The following KLF12 variants were observed in gnomAD, a reference collection of about 807,000 sequenced individuals.
KLF12 encodes the protein Krueppel-like factor 12.
In KLF12, 9 loss-of-function variants were observed where a neutral mutation model predicts 37.8. The observed-to-expected ratio is 0.24, with a 90% CI of 0.14 to 0.42. The LOEUF (loss-of-function observed/expected upper bound fraction) is 0.42. Among genes scored for constraint, KLF12 ranks in the 10% least tolerant of loss-of-function variants. The pLI is 1.00. For missense variants in KLF12, 411 were observed against 516.0 expected (o/e 0.80, Z 1.97); for synonymous variants, 208 against 202.1 (o/e 1.03, Z -0.25).
At chr13:73,897,691 C>T (rs1179127913) in intron 3 of KLF12, among the ~76,000 whole-genome samples, 1 of 152,214 alleles carries the variant, frequency 6.6e-6, no homozygotes, top group East Asian at 1.9e-4. Context: ...ATATATCACA[C>T]CTGGATTAAT....
chr13:73,872,239 C>A (rs1886506913), intron 3 of KLF12, among the ~76,000 whole-genome samples: 2 of 152,170 alleles, frequency 1.3e-5, no homozygotes, highest in Non-Finnish European at 2.9e-5. Context: ...AATCTACACA[C>A]CTACATGTCA....
At chr13:73,822,319 C>A (rs184816347) in intron 4 of KLF12, among the ~76,000 whole-genome samples, 133 of 152,320 alleles carry the variant, frequency 8.7e-4, no homozygotes, top group Admixed American at 4.6e-3. Context: ...CACTTTTCAG[C>A]TAAATTCCAT....
the KLF12 span, among the ~76,000 whole-genome samples, chr13:74,216,676 T>C: frequency 6.6e-6 from 1 of 152,180 alleles, no homozygotes; most frequent in African/African-American, 2.4e-5. Flanking sequence ...TTCAAACTGC[T>C]AAAAGCAAAA....
chr13:73,978,845 G>A (rs1891613600), intron 2 of KLF12, among the ~76,000 whole-genome samples: 1 of 152,198 alleles, frequency 6.6e-6, no homozygotes, highest in South Asian at 2.1e-4. Flanking sequence ...AAGGAAATGT[G>A]TGCTATCAGT....
chr13:73,719,474 G>T (rs1427462279), intron 6 of KLF12, among the ~76,000 whole-genome samples: 1 of 151,602 alleles, frequency 6.6e-6, no homozygotes, highest in Non-Finnish European at 1.5e-5. Context: ...ATTAAGCCTG[G>T]TATTCCTGAT....
chr13:74,246,050 T>C, the KLF12 span, among the ~76,000 whole-genome samples: 2 of 152,256 alleles, frequency 1.3e-5, no homozygotes, highest in Non-Finnish European at 2.9e-5. Context: ...AATGTCAGTG[T>C]GCCAATTCTC....
chr13:74,294,412 A>G, the KLF12 span, among the ~76,000 whole-genome samples: 2 of 152,048 alleles, frequency 1.3e-5, no homozygotes, highest in Non-Finnish European at 2.9e-5. Flanking sequence ...TTTTTAGGCC[A>G]GGCTGGAGTG....
chr13:74,092,287 A>C (rs1875712766), intron 1 of KLF12, among the ~76,000 whole-genome samples: 1 of 109,960 alleles, frequency 9.1e-6, no homozygotes, highest in African/African-American at 3.4e-5. Flanking sequence ...ACAGAGTGAG[A>C]CTCCGTCTCA....
the KLF12 span, among the ~76,000 whole-genome samples, chr13:74,238,017 CA>C: frequency 6.7e-6 from 1 of 148,622 alleles, no homozygotes; most frequent in Non-Finnish European, 1.5e-5. Flanking sequence ...TGCCTTGTGC[CA>C]GTTTTCAAAG....
the KLF12 span, among the ~76,000 whole-genome samples, chr13:74,237,263 G>C: frequency 7.5e-6 from 1 of 134,008 alleles, no homozygotes; most frequent in Non-Finnish European, 1.5e-5. Context: ...GATATGCGGC[G>C]TTATTTCTGA....
At chr13:73,697,958 G>A (rs897161646) in intron 7 of KLF12, among the ~76,000 whole-genome samples, 2 of 152,094 alleles carry the variant, frequency 1.3e-5, no homozygotes, top group African/African-American at 4.8e-5. Flanking sequence ...TTCAAGATCA[G>A]CCTGGGCAAC....
intron 6 of KLF12, among the ~76,000 whole-genome samples, chr13:73,741,510 T>C (rs1275305483): frequency 6.6e-6 from 1 of 152,206 alleles, no homozygotes; most frequent in Non-Finnish European, 1.5e-5. Flanking sequence ...ATCCCAACTA[T>C]TTTTACAGTT....
At chr13:74,161,795 C>A in the KLF12 span, among the ~76,000 whole-genome samples, 1 of 152,122 alleles carries the variant, frequency 6.6e-6, no homozygotes, top group Non-Finnish European at 1.5e-5. Context: ...CATTCCGCCT[C>A]AATTCTTTTC....
At chr13:74,060,119 C>G (rs1395459301) in intron 1 of KLF12, among the ~76,000 whole-genome samples, 2 of 152,054 alleles carry the variant, frequency 1.3e-5, no homozygotes, top group Non-Finnish European at 2.9e-5. Context: ...TTGATCTATG[C>G]ATCTATTTTT....
rs1873885800 is a variant in KLF12 at position 73,692,676 on chromosome 13, T to C, written c.*2814A>G. The C allele has an allele frequency of 6.6e-6, 1 of 152,622 alleles. No individual in the cohort carries two copies. Among genetic ancestry groups the C allele is most frequent in the Non-Finnish European group, 1.5e-5 (1 of 68,030 alleles). The allele number at this position is 152,622 out of a possible 1,614,324, so 9.5% of individuals were successfully genotyped here. On this transcript the variant is annotated 3_prime_UTR_variant, in exon 8 of 8. Coordinates refer to ENST00000377669, the MANE Select transcript of KLF12 (RefSeq NM_007249.5). ...CCACTTTCTCCTTTCCATGGGGAAA[T>C]ACTTTTAGAAAACTCACCAAGGAGA...
chr13:74,300,070 A>G, the KLF12 span, among the ~76,000 whole-genome samples: 16,116 of 152,114 alleles, frequency 0.11, 2,222 homozygotes, highest in African/African-American at 0.32. Context: ...AGGGGAAATC[A>G]CCTTTTATCC....
chr13:74,070,943 T>C (rs914495894), intron 1 of KLF12, among the ~76,000 whole-genome samples: 3 of 152,212 alleles, frequency 2.0e-5, no homozygotes, highest in African/African-American at 4.8e-5. Flanking sequence ...TATGAACAAC[T>C]TATAGAAGAC....
chr13:74,100,859 C>T (rs551356875), intron 1 of KLF12, among the ~76,000 whole-genome samples: 13 of 152,236 alleles, frequency 8.5e-5, no homozygotes, highest in Non-Finnish European at 1.9e-4. Context: ...GTCCGACCTT[C>T]CCTTGTTTTT....
chr13:74,184,133 T>C, the KLF12 span, among the ~76,000 whole-genome samples: 13 of 152,196 alleles, frequency 8.5e-5, no homozygotes, highest in Non-Finnish European at 2.9e-5. Context: ...ACATGATCCC[T>C]GAGTGACTCA....
Sources: allele counts gnomAD v4.1 joint callset (sites outside exome capture counted in the v4.1 genomes callset), GRCh38; gene constraint gnomAD v4.1.1; transcripts MANE v1.5; gene names NCBI Gene and HGNC (gene_info 2026-07-23, HGNC 2026-07-21).